Variants in ABHD10 observed in about 807,000 individuals in gnomAD.
ABHD10 encodes palmitoyl-protein thioesterase ABHD10, mitochondrial.
ABHD10 carries 22 observed loss-of-function variants against 33.1 expected under a neutral mutation model. That is an observed-to-expected ratio of 0.66 (90% CI 0.47 to 0.95). The LOEUF (loss-of-function observed/expected upper bound fraction) is 0.95. ABHD10 is among the 40% of genes least tolerant of loss of function. The pLI is 0.00. For synonymous variants in ABHD10, 146 were observed against 133.9 expected (o/e 1.09, Z -0.62); for missense variants, 352 against 379.9 (o/e 0.93, Z 0.61).
At chr3:111,987,207 C>G (rs1334645066) in intron 4 of ABHD10, among the ~76,000 whole-genome samples, 156 bp downstream of exon 4, 1 of 152,196 alleles carries the variant, frequency 6.6e-6, no homozygotes, top group Non-Finnish European at 1.5e-5. Context: ...TGTACACAAC[C>G]TCTTTTCTAT....
At chr3:111,987,097 T>C (rs1483972246) in intron 4 of ABHD10, 46 bp downstream of exon 4, 1 of 1,588,510 alleles carries the variant, frequency 6.3e-7, no homozygotes, top group East Asian at 2.3e-5. Flanking sequence ...TTACCGCTTA[T>C]ACTTCTTCTG....
chr3:111,989,017 C>T (rs1482460905), intron 4 of ABHD10, among the ~76,000 whole-genome samples: 1 of 152,170 alleles, frequency 6.6e-6, no homozygotes, highest in Non-Finnish European at 1.5e-5. Context: ...CTCAGATAAG[C>T]AGTTGTTAAC....
At chr3:111,990,890 A>G in intron 4 of ABHD10, 1 of 414,760 alleles carries the variant, frequency 2.4e-6, no homozygotes, top group Non-Finnish European at 4.1e-6. Context: ...TTTGAAATCT[A>G]AACAATGTTT....
rs1380059364 is a variant in ABHD10 at position 111,986,273 on chromosome 3, C to T, written c.336C>T (p.Tyr112=). The change falls in exon 3 of 5, where the codon TAC becomes TAT. Residue 112 remains tyrosine, a synonymous_variant. Transcript: ENST00000273359. ...SLGHACIRFD[Y]SGVGSSDGNS... ...TTTCCCCTTTTTCCAGGTTTGATTA[C>T]TCAGGAGTTGGAAGTTCAGATGGTA... 6.2e-7 allele frequency: 1 copy of T among 1,609,974 alleles called. No homozygotes were observed. The highest frequency in any genetic ancestry group is 1.3e-5 in the African/African-American group (1 of 74,858).
chr3:111,981,669 G>GA, intron 1 of ABHD10, 115 bp from the exon 2 acceptor site: 1 of 941,582 alleles, frequency 1.1e-6, no homozygotes, highest in Middle Eastern at 2.7e-4. Flanking sequence ...CTATTAAATG[G>GA]AAATAGTATT....
At chr3:111,991,276 C>T (rs1559938397) in intron 4 of ABHD10, 101 bp from the exon 5 acceptor site, 2 of 966,712 alleles carry the variant, frequency 2.1e-6, no homozygotes, top group Non-Finnish European at 3.1e-6. Context: ...TCTCTATCCT[C>T]TTATTCAAGA....
intron 2 of ABHD10, among the ~76,000 whole-genome samples, 168 bp from the exon 3 acceptor site, chr3:111,986,096 A>G (rs1577249968): frequency 6.6e-6 from 1 of 152,232 alleles, no homozygotes; most frequent in Non-Finnish European, 1.5e-5. Context: ...GTGATTGGAC[A>G]CAGGAGGTAT....
At position 111,992,997 on chromosome 3, in the gene ABHD10, C is replaced by T. The variant is rs1377214526; in HGVS notation, c.*1276C>T. On this transcript the variant is annotated 3_prime_UTR_variant, in exon 5 of 5. Transcript: ENST00000273359. ...TGGAGTTCAGGGGGCTTCCACCATT[C>T]CCAGAACTGATCAAAGTAGCTTACT... 6.6e-6 allele frequency: 1 copy of T among 152,180 alleles called. No homozygotes were observed. The highest frequency in any genetic ancestry group is 2.4e-5 in the African/African-American group (1 of 41,426). The allele number at this position is 152,180 out of a possible 1,614,324, so 9.4% of individuals were successfully genotyped here.
chr3:111,986,173 T>C, intron 2 of ABHD10, 91 bp from the exon 3 acceptor site: 1 of 680,846 alleles, frequency 1.5e-6, no homozygotes. Flanking sequence ...ACTATAAGCA[T>C]TATAGTAATG....
At chr3:111,983,396 A>T (rs1041008584) in intron 2 of ABHD10, among the ~76,000 whole-genome samples, 1 of 152,172 alleles carries the variant, frequency 6.6e-6, no homozygotes. Flanking sequence ...CTTTGAGACT[A>T]TGAGAGTTAT....
Position 111,992,546 on chromosome 3 carries a change from G to T in ABHD10, c.*825G>T. 6.6e-6 allele frequency: 1 copy of T among 152,094 alleles called. No homozygotes were observed. The allele number at this position is 152,094 out of a possible 1,614,324, so 9.4% of individuals were successfully genotyped here. Reference sequence around the variant, plus strand: ...TAAATCAGAAGACGTTCTAAAGTCAGTAAGAAAGTGTGAAATGCTAGTATA... The same window carrying T: ...TAAATCAGAAGACGTTCTAAAGTCATTAAGAAAGTGTGAAATGCTAGTATA... On this transcript the variant is annotated 3_prime_UTR_variant, in exon 5 of 5. Transcript: ENST00000273359.
intron 2 of ABHD10, 114 bp from the exon 3 acceptor site, chr3:111,986,150 A>G: frequency 1.7e-6 from 1 of 588,036 alleles, no homozygotes; most frequent in South Asian, 2.3e-5. Context: ...ATACATATTG[A>G]TTGTGATGTT....
chr3:111,984,338 G>A (rs999275972), intron 2 of ABHD10, among the ~76,000 whole-genome samples: 1 of 152,030 alleles, frequency 6.6e-6, no homozygotes, highest in South Asian at 2.1e-4. Flanking sequence ...CTTACTTACT[G>A]TACCAGCCAT....
chr3:111,986,250 T>C lies in ABHD10; in HGVS notation c.327-14T>C, dbSNP rs910955208. 5.1e-5 allele frequency: 76 copies of C among 1,498,724 alleles called. No homozygotes were observed. The highest frequency in any genetic ancestry group is 7.0e-5 in the African/African-American group (5 of 71,892). 92.8% of individuals were successfully genotyped at this position (1,498,724 alleles called of 1,614,324 possible). ...ATAGATATTTAGATATAGATTTTTT[T>C]CCCCTTTTTCCAGGTTTGATTACTC... On this transcript the variant is annotated splice_polypyrimidine_tract_variant and intron_variant, in intron 2 of 4. Coordinates refer to ENST00000273359, the MANE Select transcript of ABHD10 (RefSeq NM_018394.4).
At chr3:111,991,192 A>T (rs2072735225) in intron 4 of ABHD10, among the ~76,000 whole-genome samples, 185 bp from the exon 5 acceptor site, 1 of 152,200 alleles carries the variant, frequency 6.6e-6, no homozygotes, top group Non-Finnish European at 1.5e-5. Context: ...TTATGGAATA[A>T]TATGTATAAA....
chr3:111,981,420 A>T (rs79269519), intron 1 of ABHD10, among the ~76,000 whole-genome samples: 1 of 152,150 alleles, frequency 6.6e-6, no homozygotes, highest in Non-Finnish European at 1.5e-5. Flanking sequence ...GGCTGAAACT[A>T]TTGCGGGTAA....
chr3:111,991,352 T>A, intron 4 of ABHD10, 25 bp from the exon 5 acceptor site: 1 of 1,553,622 alleles, frequency 6.4e-7, no homozygotes, highest in Non-Finnish European at 8.7e-7. Context: ...ACAAATACTT[T>A]TATTTTTCTT....
Position 111,991,850 on chromosome 3 carries a change from T to A in ABHD10, c.*129T>A. Reference sequence around the variant, plus strand: ...TTGTAAATATAAGATGAGTATTATTTAATGATGTATTTGCATAAGTAATGC... The same window carrying A: ...TTGTAAATATAAGATGAGTATTATTAAATGATGTATTTGCATAAGTAATGC... On this transcript the variant is annotated 3_prime_UTR_variant, in exon 5 of 5. Transcript: ENST00000273359. 1.4e-6 allele frequency: 1 copy of A among 695,794 alleles called. No individual in the cohort carries two copies. Among genetic ancestry groups the A allele is most frequent in the Non-Finnish European group, 2.2e-6 (1 of 449,836 alleles). The allele number at this position is 695,794 out of a possible 1,614,324, so 43.1% of individuals were successfully genotyped here. A position where few individuals can be genotyped will look rare whatever the true frequency, so the allele number is the denominator to read the frequency against.
chr3:111,990,297 T>C (rs2072723916), intron 4 of ABHD10, among the ~76,000 whole-genome samples: 4 of 151,980 alleles, frequency 2.6e-5, no homozygotes, highest in Admixed American at 2.6e-4. Context: ...CCCAGAAATA[T>C]ATGTACTAAA....
Sources: allele counts gnomAD v4.1 joint callset (sites outside exome capture counted in the v4.1 genomes callset), GRCh38; gene constraint gnomAD v4.1.1; transcripts MANE v1.5; gene names NCBI Gene and HGNC (gene_info 2026-07-23, HGNC 2026-07-21).